Variants in METTL15 observed in about 807,000 individuals in gnomAD.
METTL15 encodes methyltransferase 15, mitochondrial 12S rRNA N4-cytidine.
Under a neutral mutation model 38.3 loss-of-function variants are expected in METTL15, and 34 were observed. The observed-to-expected ratio is 0.89, with a 90% confidence interval of 0.68 to 1.18. METTL15 has a LOEUF of 1.18. Among genes scored for constraint, METTL15 ranks in the 50% most tolerant of loss-of-function variants. The probability of loss-of-function intolerance (pLI) is 0.00; values close to 1 mark genes in which losing one functional copy is unlikely to be tolerated. For synonymous variants in METTL15, 162 were observed against 170.9 expected (o/e 0.95, Z 0.41); for missense variants, 438 against 498.4 (o/e 0.88, Z 1.15).
intron 6 of METTL15, among the ~76,000 whole-genome samples, chr11:28,515,908 C>G (rs1851715861): frequency 6.6e-6 from 1 of 152,232 alleles, no homozygotes; most frequent in Admixed American, 6.5e-5. Flanking sequence ...TAAGCCTCTT[C>G]TCAGAAATAT....
chr11:28,141,281 G>C (rs1489147362), intron 3 of METTL15, among the ~76,000 whole-genome samples: 1 of 152,168 alleles, frequency 6.6e-6, no homozygotes, highest in African/African-American at 2.4e-5. Flanking sequence ...AGGACTGGTT[G>C]AGTCAGTTCC....
chr11:28,211,002 G>C, intron 3 of METTL15, 60 bp from the exon 4 acceptor site: 1 of 1,507,532 alleles, frequency 6.6e-7, no homozygotes, highest in South Asian at 1.3e-5. Context: ...AATTGAGATA[G>C]TTGTCAAGAA....
At chr11:28,494,950 G>C (rs943687319) in intron 6 of METTL15, among the ~76,000 whole-genome samples, 13 of 152,116 alleles carry the variant, frequency 8.5e-5, no homozygotes, top group African/African-American at 3.1e-4. Context: ...AATGGTTCTT[G>C]CTTCATATGG....
At chr11:28,200,879 C>T (rs1322723967) in intron 3 of METTL15, among the ~76,000 whole-genome samples, 1 of 152,062 alleles carries the variant, frequency 6.6e-6, no homozygotes, top group Non-Finnish European at 1.5e-5. Context: ...TCTTCTCTTC[C>T]TGCTTGAATC....
chr11:28,480,540 G>A (rs1851386447), intron 6 of METTL15, among the ~76,000 whole-genome samples: 1 of 152,160 alleles, frequency 6.6e-6, no homozygotes, highest in African/African-American at 2.4e-5. Context: ...TGTAATGACA[G>A]CTCTCGTAAG....
chr11:28,318,964 TAA>T, intron 6 of METTL15, among the ~76,000 whole-genome samples: 1 of 151,228 alleles, frequency 6.6e-6, no homozygotes, highest in South Asian at 2.1e-4. Context: ...GAGCTAACAA[TAA>T]GTTATTTTCA....
chr11:28,422,860 T>C (rs1261740407), intron 5 of METTL15, among the ~76,000 whole-genome samples: 1 of 152,016 alleles, frequency 6.6e-6, no homozygotes, highest in African/African-American at 2.4e-5. Context: ...CATATCAAGC[T>C]AAAATGTTTC....
At chr11:28,310,899 CTGCTGCTGCTGCTGCTGGTGGTGGTGG>C (rs1284024916) in intron 6 of METTL15, among the ~76,000 whole-genome samples, 6 of 86,776 alleles carry the variant, frequency 6.9e-5, no homozygotes, top group Non-Finnish European at 1.2e-4. Flanking sequence ...GCTGCTGCTG[CTGCTGCTGCTGCTGCTGGTGGTGGTGG>C]TGGTGGTGGT....
intron 6 of METTL15, among the ~76,000 whole-genome samples, chr11:28,483,324 A>G (rs573268526): frequency 1.3e-5 from 2 of 152,310 alleles, no homozygotes; most frequent in South Asian, 4.1e-4. Flanking sequence ...TAGACGACTA[A>G]TTGATGTTCA....
chr11:28,376,127 A>C (rs531012531), intron 5 of METTL15, among the ~76,000 whole-genome samples: 11 of 151,712 alleles, frequency 7.3e-5, no homozygotes, highest in South Asian at 2.1e-4. Context: ...GTGGTGCTGA[A>C]AAAAATGTAT....
At chr11:28,408,032 T>C (rs1359257954) in intron 5 of METTL15, among the ~76,000 whole-genome samples, 1 of 152,064 alleles carries the variant, frequency 6.6e-6, no homozygotes, top group Non-Finnish European at 1.5e-5. Context: ...TGGAAGCCAT[T>C]ATCTTCAGCA....
chr11:28,395,447 C>A (rs1292682199), intron 5 of METTL15, among the ~76,000 whole-genome samples: 3 of 152,048 alleles, frequency 2.0e-5, no homozygotes, highest in Non-Finnish European at 4.4e-5. Context: ...AGGTTCCTCA[C>A]CCCACCTATT....
chr11:28,168,113 C>T (rs1850718833), intron 3 of METTL15, among the ~76,000 whole-genome samples: 1 of 151,420 alleles, frequency 6.6e-6, no homozygotes, highest in Non-Finnish European at 1.5e-5. Context: ...CTTTCTCTTC[C>T]TCTGGTTTTC....
chr11:28,229,240 T>C (rs1250233029), intron 4 of METTL15, among the ~76,000 whole-genome samples: 1 of 152,000 alleles, frequency 6.6e-6, no homozygotes, highest in African/African-American at 2.4e-5. Context: ...TTGGAAACTT[T>C]CATTGGCATA....
chr11:28,219,707 A>G (rs1469821695), intron 4 of METTL15, among the ~76,000 whole-genome samples: 1 of 151,752 alleles, frequency 6.6e-6, no homozygotes, highest in Non-Finnish European at 1.5e-5. Context: ...TAGTGCTATA[A>G]ATTTCCCTCT....
At chr11:28,131,338 T>G (rs1261131123) in intron 3 of METTL15, among the ~76,000 whole-genome samples, 1 of 152,114 alleles carries the variant, frequency 6.6e-6, no homozygotes, top group Non-Finnish European at 1.5e-5. Context: ...ACATTTAGCT[T>G]CTTTCCTCGC....
At chr11:28,174,957 T>C (rs370883951) in intron 3 of METTL15, among the ~76,000 whole-genome samples, 1 of 147,996 alleles carries the variant, frequency 6.8e-6, no homozygotes, top group African/African-American at 2.5e-5. Context: ...ATTATTATTT[T>C]TTATTATACT....
chr11:28,162,370 GT>G (rs1454307375), intron 3 of METTL15, among the ~76,000 whole-genome samples: 10 of 152,306 alleles, frequency 6.6e-5, no homozygotes, highest in African/African-American at 1.4e-4. Context: ...TTTCAGAGCA[GT>G]TTAGAAAAGG....
chr11:28,521,682 T>C (rs1851766504), intron 6 of METTL15, among the ~76,000 whole-genome samples: 2 of 152,228 alleles, frequency 1.3e-5, no homozygotes, highest in East Asian at 3.9e-4. Flanking sequence ...AAGGCATTGC[T>C]AGAAGACTAG....
Sources: allele counts gnomAD v4.1 joint callset (sites outside exome capture counted in the v4.1 genomes callset), GRCh38; gene constraint gnomAD v4.1.1; transcripts MANE v1.5; gene names NCBI Gene and HGNC (gene_info 2026-07-23, HGNC 2026-07-21).